Variants in TERT observed in about 807,000 individuals in gnomAD.
TERT encodes telomerase reverse transcriptase.
Under a neutral mutation model 104.0 loss-of-function variants are expected in TERT, and 42 were observed. The ratio of observed to expected loss-of-function variants is 0.40; its 90% CI spans 0.32 to 0.52. The LOEUF (loss-of-function observed/expected upper bound fraction) is 0.52, where lower values mean the gene tolerates loss of function less well. Among genes scored for constraint, TERT ranks in the 20% least tolerant of loss-of-function variants. TERT has a pLI of 0.43. For missense variants in TERT, 1,101 were observed against 1,610.3 expected, an observed-to-expected ratio of 0.68 and a Z score of 5.41; for synonymous variants, 781 against 725.6, an observed-to-expected ratio of 1.08 and a Z score of -1.23.
In TERT at chr5:1,283,091, G is replaced by A. The variant is rs1490480477; in HGVS notation, c.1574-467C>T. ...CCGGATACAGCACATCCAGCTCACCGCAGGGCCTGGCGACCTCACCCCGGA... is the reference window on the plus strand; with the variant it reads ...CCGGATACAGCACATCCAGCTCACCACAGGGCCTGGCGACCTCACCCCGGA... On this transcript the variant is annotated intron_variant, in intron 2 of 15. Transcript: ENST00000310581. The A allele has an allele frequency of 8.8e-5, 23 of 261,120 alleles. No homozygotes were observed. The East Asian group carries it at 1.6e-3, about 18-fold the overall frequency. 16.2% of individuals were successfully genotyped at this position (261,120 alleles called of 1,614,324 possible).
rs776569822 is a variant in TERT, at chr5:1,294,135, C to T, written c.751G>A (p.Val251Ile). The T allele has an allele frequency of 1.4e-5, 22 of 1,581,546 alleles. No homozygotes were observed. The East Asian group carries it at 1.6e-4, about 12-fold the overall frequency. ...GAAPEPERTP[V>I]GQGSWAHPGR... The stretch of plus-strand genomic sequence containing the variant: ...GGGTGGGCCCAGGACCCCTGCCCAA[C>T]GGGCGTCCGCTCCGGCTCAGGGGCA... The change falls in exon 2 of 16, where the codon GTT becomes ATT. Residue 251 changes from valine (V) to isoleucine (I), a missense_variant. By Grantham distance (29) the Val-to-Ile change is conservative (BLOSUM62 3). Around this residue, in one of 5 missense-constraint regions of TERT, gnomAD observed 504 missense variants for 544.6 expected, o/e 0.93. Coordinates refer to ENST00000310581, the MANE Select transcript of TERT (RefSeq NM_198253.3).
chr5:1,288,681 C>G lies in TERT; in HGVS notation c.1573+4632G>C, dbSNP rs999170445. 3.3e-5 allele frequency among the ~76,000 whole-genome samples: 5 copies of G among 152,142 alleles called. No individual in the cohort carries two copies. Among genetic ancestry groups the G allele is most frequent in the Non-Finnish European group, 7.4e-5 (5 of 68,026 alleles). On this transcript the variant is annotated intron_variant, in intron 2 of 15. Transcript: ENST00000310581. This position sits in a 1 kb window ranked among gnomAD's most constrained non-coding sequence, Gnocchi z 5.3. ...GGGTGACTTGCTTTCCTTCAGGGCA[C>G]AGAGAACCCTTTCTGGGATGTCTCC... is the stretch of plus-strand genomic sequence containing the variant.
chr5:1,276,913 T>C (rs1749637433), intron 6 of TERT, among the ~76,000 whole-genome samples: 1 of 152,242 alleles, frequency 6.6e-6, no homozygotes, highest in South Asian at 2.1e-4. Context: ...AAGGCTTGAC[T>C]TGAGAGCACA....
rs1579580607 is a variant in TERT at position 1,282,803 on chromosome 5, G to T, written c.1574-179C>A. On this transcript the variant is annotated intron_variant, in intron 2 of 15. Transcript: ENST00000310581. ...CCAAGGGCCTGGCGACCTCACCCTGGACCTGCACCATTCGGACACGGGGAC... is the reference window on the plus strand; with the variant it reads ...CCAAGGGCCTGGCGACCTCACCCTGTACCTGCACCATTCGGACACGGGGAC... 29 of 673,272 alleles carry T rather than the reference G, an allele frequency of 4.3e-5. No homozygotes were observed. In the East Asian group the frequency reaches 8.1e-4, roughly 19 times the overall value. 41.7% of individuals were successfully genotyped at this position (673,272 alleles called of 1,614,324 possible).
At position 1,282,644 on chromosome 5, in the gene TERT, C is replaced by T; in HGVS notation, c.1574-20G>A. ...CAACCCCTTAAACGAGAAGGACATG[C>T]CACATCCAGATCACCGAGGGCCTGG... On this transcript the variant is annotated intron_variant, in intron 2 of 15. Coordinates refer to ENST00000310581, the MANE Select transcript of TERT (RefSeq NM_198253.3). 1 of 1,612,954 alleles carries T rather than the reference C, an allele frequency of 6.2e-7. No homozygotes were observed. Among genetic ancestry groups the T allele is most frequent in the Non-Finnish European group, 8.5e-7 (1 of 1,179,768 alleles).
At chr5:1,261,000 G>A (rs186983818) in intron 11 of TERT, among the ~76,000 whole-genome samples, 34 of 152,322 alleles carry the variant, frequency 2.2e-4, no homozygotes, top group African/African-American at 5.5e-4. Context: ...TGAGTTGGGC[G>A]TGGGGAATCT....
chr5:1,284,106 C>T (rs1348871599), intron 2 of TERT, among the ~76,000 whole-genome samples: 1 of 142,410 alleles, frequency 7.0e-6, no homozygotes, highest in African/African-American at 2.7e-5. Flanking sequence ...CCTGCATCAT[C>T]CGGACTCCAT....
At chr5:1,266,596 A>G (rs955079640) in intron 9 of TERT, 61 bp from the exon 10 acceptor site, 2 of 1,334,572 alleles carry the variant, frequency 1.5e-6, no homozygotes, top group Non-Finnish European at 2.1e-6. Context: ...GTATCTGTCT[A>G]CGAGGGACTG....
chr5:1,291,395 C>T (rs149382195), intron 2 of TERT, among the ~76,000 whole-genome samples: 5,481 of 28,430 alleles, frequency 0.19, 1,067 homozygotes, highest in South Asian at 0.45. Context: ...CCGGGGACAG[C>T]GCCTCACTCA....
In TERT at chr5:1,257,905, G is replaced by T. The variant is rs900243596; in HGVS notation, c.3032+693C>A. The stretch of plus-strand genomic sequence containing the variant: ...GTGGCTCGGGAGGCCTGTTGAGGTG[G>T]AGGCCCGGGCCTGTGGTGCCCGACT... On this transcript the variant is annotated intron_variant, in intron 13 of 15. Coordinates refer to ENST00000310581, the MANE Select transcript of TERT (RefSeq NM_198253.3). This position sits in a 1 kb window ranked among gnomAD's most constrained non-coding sequence, Gnocchi z 5.6. Among the ~76,000 whole-genome samples, 25 of 152,320 alleles carry T rather than the reference G, an allele frequency of 1.6e-4. No individual in the cohort carries two copies. Among genetic ancestry groups the T allele is most frequent in the African/African-American group, 6.0e-4 (25 of 41,578 alleles).
Position 1,282,527 on chromosome 5 carries a change from G to C in TERT, c.1671C>G (p.Leu557=). Residue 557 remains leucine (L), a synonymous_variant, in exon 3 of 16, where the codon CTC becomes CTG. Coordinates refer to ENST00000310581, the MANE Select transcript of TERT (RefSeq NM_198253.3). ...WLMSVYVVEL[L]RSFFYVTETT... ...TCTCCGTGACATAAAAGAAAGACCT[G>C]AGCAGCTCGACGACGTACACACTCA... is the stretch of plus-strand genomic sequence containing the variant. The C allele has an allele frequency of 6.2e-7, 1 of 1,614,142 alleles. No homozygotes were observed. The highest frequency in any genetic ancestry group is 8.5e-7 in the Non-Finnish European group (1 of 1,180,030).
rs35768726 is a variant in TERT, at chr5:1,274,868, T to G, written c.2287-2588A>C. On this transcript the variant is annotated intron_variant, in intron 6 of 15. Coordinates refer to ENST00000310581, the MANE Select transcript of TERT (RefSeq NM_198253.3). The surrounding 1 kb of genome is among the most constrained non-coding windows in gnomAD (Gnocchi z 5.3). Reference sequence around the variant, plus strand: ...CTTCAAGGAGCCGGAAAAACAACAATAAACAAAGCCTAAAGGAAATGGAAG... The same window carrying G: ...CTTCAAGGAGCCGGAAAAACAACAAGAAACAAAGCCTAAAGGAAATGGAAG... Among the ~76,000 whole-genome samples the G allele has an allele frequency of 0.04, 6,076 of 151,812 alleles. 425 individuals carry two copies. Among genetic ancestry groups the G allele is most frequent in the African/African-American group, 0.14 (5,743 of 41,342 alleles).
In TERT at chr5:1,265,814, CCCA is replaced by C. The variant is rs949405486; in HGVS notation, c.2654+647_2654+649del. Among the ~76,000 whole-genome samples the C allele has an allele frequency of 2.0e-5, 3 of 152,136 alleles. No homozygotes were observed. The highest frequency in any genetic ancestry group is 7.2e-5 in the African/African-American group (3 of 41,416). On this transcript the variant is annotated intron_variant, in intron 10 of 15. Transcript: ENST00000310581. The surrounding 1 kb of genome is among the most constrained non-coding windows in gnomAD (Gnocchi z 6.9). ...TCGTCAAATCGCACTTTAAAACAAG[CCCA>C]CCGGCTCTGTGGGGCGCCCTTGAGG... is the stretch of plus-strand genomic sequence containing the variant.
intron 14 of TERT, among the ~76,000 whole-genome samples, chr5:1,254,807 C>T (rs1164662730): frequency 6.6e-6 from 1 of 152,174 alleles, no homozygotes; most frequent in Non-Finnish European, 1.5e-5. Context: ...GGGCAGAGGA[C>T]GGTGACTGGG....
rs533019930 is a variant in TERT at position 1,268,105 on chromosome 5, T to C, written c.2582+415A>G. Among the ~76,000 whole-genome samples, 78 of 152,332 alleles carry C rather than the reference T, an allele frequency of 5.1e-4. 1 individual carries two copies. The highest frequency in any genetic ancestry group is 1.8e-3 in the African/African-American group (74 of 41,584). ...CATGCAAGTGGGATGGGCAATGGGC[T>C]GAAGAGGCGCCCAGTCCAGGCCACC... is the stretch of plus-strand genomic sequence containing the variant. On this transcript the variant is annotated intron_variant, in intron 9 of 15. Transcript: ENST00000310581. The surrounding 1 kb of genome is among the most constrained non-coding windows in gnomAD (Gnocchi z 5.5).
In TERT at chr5:1,264,535, C is replaced by T. The variant is rs1748460219; in HGVS notation, c.2712G>A (p.Val904=). 1 of 1,613,880 alleles carries T rather than the reference C, an allele frequency of 6.2e-7. No individual in the cohort carries two copies. The highest frequency in any genetic ancestry group is 1.7e-5 in the Admixed American group (1 of 60,006). The change falls in exon 11 of 16, where the codon GTG becomes GTA. Residue 904 remains valine, a synonymous_variant. Coordinates refer to ENST00000310581, the MANE Select transcript of TERT (RefSeq NM_198253.3). ...YGCVVNLRKT[V]VNFPVEDEAL... is the part of the protein sequence containing the mutation. Reference sequence around the variant, plus strand: ...CCTCGTCTTCTACAGGGAAGTTCACCACTGTCTTCCGCAAGTTCACCACGC... The same window carrying T: ...CCTCGTCTTCTACAGGGAAGTTCACTACTGTCTTCCGCAAGTTCACCACGC...
In TERT at chr5:1,254,411, T is replaced by A. The variant is rs757638312; in HGVS notation, c.3252A>T (p.Arg1084=). Reference sequence around the variant, plus strand: ...GGAGTGGCACGTAGGTGACACGGTGTCGAGTCAGCTTGAGCAGGAATGCTT... The same window carrying A: ...GGAGTGGCACGTAGGTGACACGGTGACGAGTCAGCTTGAGCAGGAATGCTT... ...CHQAFLLKLT[R]HRVTYVPLLG... Residue 1084 remains arginine (R), a synonymous_variant, in exon 15 of 16, where the codon CGA becomes CGT. Coordinates refer to ENST00000310581, the MANE Select transcript of TERT (RefSeq NM_198253.3). 1.2e-6 allele frequency: 2 copies of A among 1,613,152 alleles called. No homozygotes were observed. Among genetic ancestry groups the A allele is most frequent in the Non-Finnish European group, 1.7e-6 (2 of 1,179,934 alleles).
At chr5:1,280,085 T>A in intron 4 of TERT, 73 bp downstream of exon 4, 3 of 1,595,100 alleles carry the variant, frequency 1.9e-6, no homozygotes, top group African/African-American at 2.7e-5. Flanking sequence ...GGGCCCTTCA[T>A]CTAAGCTGAT....
Position 1,255,543 on chromosome 5 carries a change from T to C in TERT, c.3033-132A>G. The C allele has an allele frequency of 2.7e-6, 3 of 1,125,434 alleles. No homozygotes were observed. The highest frequency in any genetic ancestry group is 4.0e-6 in the Non-Finnish European group (3 of 757,272). 69.7% of individuals were successfully genotyped at this position (1,125,434 alleles called of 1,614,324 possible). A position where few individuals can be genotyped will look rare whatever the true frequency, so the allele number is the denominator to read the frequency against. On this transcript the variant is annotated intron_variant, in intron 13 of 15. Transcript: ENST00000310581. This position sits in a 1 kb window ranked among gnomAD's most constrained non-coding sequence, Gnocchi z 6.9. ...GCATGGGTTTCCTCATGGGCACAGGTGCACACACACGGATGCATGCATGCA... is the reference window on the plus strand; with the variant it reads ...GCATGGGTTTCCTCATGGGCACAGGCGCACACACACGGATGCATGCATGCA...
Sources: gnomAD v4.1 joint callset for allele counts (sites outside exome capture counted in the v4.1 genomes callset) on GRCh38, gnomAD v4.1.1 for gene constraint, gnomAD v4.1.1 regional missense constraint, Gnocchi (gnomAD v3.1) non-coding constraint, MANE v1.5 for transcripts, NCBI Gene and HGNC (gene_info 2026-07-23, HGNC 2026-07-21) for gene names.